EIF1B: variants seen among roughly 807,000 people sequenced by gnomAD.
EIF1B encodes protein translation factor SUI1 homolog GC20.
EIF1B carries 5 observed loss-of-function variants against 14.8 expected under a neutral mutation model. The ratio of observed to expected loss-of-function variants is 0.34; its 90% confidence interval spans 0.18 to 0.71. The LOEUF is 0.71. EIF1B is among the 30% of genes least tolerant of loss of function. EIF1B has a pLI of 0.64. For missense variants in EIF1B, 56 were observed against 134.0 expected, an observed-to-expected ratio of 0.42 and a Z score of 2.87; for synonymous variants, 45 against 45.8, an observed-to-expected ratio of 0.98 and a Z score of 0.07.
At chr3:40,311,724 C>T in intron 3 of EIF1B, 153 bp downstream of exon 3, 2 of 695,684 alleles carry the variant, frequency 2.9e-6, no homozygotes, top group South Asian at 3.8e-5. Flanking sequence ...AAGCAAAGAC[C>T]TTTATCTGGT....
chr3:40,312,331 T>A lies in EIF1B; in HGVS notation c.*317T>A. The A allele has an allele frequency of 4.9e-6, 1 of 205,638 alleles. No individual in the cohort carries two copies. Among genetic ancestry groups the A allele is most frequent in the Non-Finnish European group, 9.2e-6 (1 of 109,154 alleles). 12.7% of individuals were successfully genotyped at this position (205,638 alleles called of 1,614,324 possible). On this transcript the variant is annotated 3_prime_UTR_variant, in exon 4 of 4. Transcript: ENST00000232905. ...TTGTTGTTGTATTAAACCATGTACG[T>A]TGCAGCTTAACAATAAAAAAAAATC...
rs1575707608 is a variant in EIF1B, at chr3:40,311,031, A to G, written c.170A>G (p.Lys57Arg). Residue 57 changes from lysine (K) to arginine (R), a missense_variant, in exon 2 of 4, where the codon AAG becomes AGG. By Grantham distance (26) the Lys-to-Arg change is conservative. Transcript: ENST00000232905. ...VQGIADDYDK[K>R]KLVKAFKKKF... ...GGCATTGCAGATGATTATGACAAAA[A>G]GAAACTTGTGAAAGCTTTCAAAAAG... 3 of 1,613,892 alleles carry G rather than the reference A, an allele frequency of 1.9e-6. No individual in the cohort carries two copies. Among genetic ancestry groups the G allele is most frequent in the African/African-American group, 2.7e-5 (2 of 75,038 alleles).
Position 40,311,541 on chromosome 3 carries a change from A to G in EIF1B, c.267A>G (p.Gln89=). 5.6e-6 allele frequency: 9 copies of G among 1,613,876 alleles called. No individual in the cohort carries two copies. Among genetic ancestry groups the G allele is most frequent in the Non-Finnish European group, 6.8e-6 (8 of 1,179,882 alleles). The change falls in exon 3 of 4, where the codon CAA becomes CAG. Residue 89 remains glutamine, a synonymous_variant. Transcript: ENST00000232905. ...AGGTTATTCAGCTTCAAGGTGACCA[A>G]AGAAAAAACATCTGCCAGTTTCTCT... ...YGEVIQLQGD[Q]RKNICQFLLE...
At position 40,312,378 on chromosome 3, in the gene EIF1B, A is replaced by G. The variant is rs1954335937; in HGVS notation, c.*364A>G. On this transcript the variant is annotated 3_prime_UTR_variant, in exon 4 of 4. Transcript: ENST00000232905. ...AATCTATGAATCTTTGTGAGCAATT[A>G]TGCTCCCAAATCTAAGCAAGTAAAA... 1 of 193,726 alleles carries G rather than the reference A, an allele frequency of 5.2e-6. No homozygotes were observed. 12.0% of individuals were successfully genotyped at this position (193,726 alleles called of 1,614,324 possible). A position where few individuals can be genotyped will look rare whatever the true frequency, so the allele number is the denominator to read the frequency against.
intron 1 of EIF1B, chr3:40,310,587 A>C (rs1351726824): frequency 1.3e-5 from 3 of 234,754 alleles, no homozygotes; most frequent in Non-Finnish European, 2.4e-5. Flanking sequence ...TATAGCGGCT[A>C]CAATATTAAG....
chr3:40,311,421 C>T, intron 2 of EIF1B, 49 bp from the exon 3 acceptor site: 4 of 1,345,320 alleles, frequency 3.0e-6, no homozygotes, highest in Non-Finnish European at 4.3e-6. Context: ...TGAAATAAAA[C>T]CTCATAGTAG....
Position 40,312,285 on chromosome 3 carries a change from G to T in EIF1B, c.*271G>T. ...GAGTGTTTATTGTTCAGTTTATTACGTTTCACTTGATTAAATTTTTTTGTT... is the reference window on the plus strand; with the variant it reads ...GAGTGTTTATTGTTCAGTTTATTACTTTTCACTTGATTAAATTTTTTTGTT... On this transcript the variant is annotated 3_prime_UTR_variant, in exon 4 of 4. Transcript: ENST00000232905. The T allele has an allele frequency of 3.7e-6, 1 of 269,278 alleles. No individual in the cohort carries two copies. The highest frequency in any genetic ancestry group is 6.2e-6 in the Non-Finnish European group (1 of 162,284). The allele number at this position is 269,278 out of a possible 1,614,324, so 16.7% of individuals were successfully genotyped here. A position where few individuals can be genotyped will look rare whatever the true frequency, so the allele number is the denominator to read the frequency against.
At position 40,312,224 on chromosome 3, in the gene EIF1B, A is replaced by G. The variant is rs1954333808; in HGVS notation, c.*210A>G. ...TGCAGTAAGATGGTAACAAAACCTCATATTGTCTTTACATGTTTCCAATGG... is the reference window on the plus strand; with the variant it reads ...TGCAGTAAGATGGTAACAAAACCTCGTATTGTCTTTACATGTTTCCAATGG... On this transcript the variant is annotated 3_prime_UTR_variant, in exon 4 of 4. Transcript: ENST00000232905. 1.9e-6 allele frequency: 1 copy of G among 525,922 alleles called. No individual in the cohort carries two copies. Among genetic ancestry groups the G allele is most frequent in the Non-Finnish European group, 3.3e-6 (1 of 298,976 alleles). The allele number at this position is 525,922 out of a possible 1,614,324, so 32.6% of individuals were successfully genotyped here.
At chr3:40,311,870 A>C in intron 3 of EIF1B, 100 bp from the exon 4 acceptor site, 1 of 916,572 alleles carries the variant, frequency 1.1e-6, no homozygotes, top group Non-Finnish European at 1.8e-6. Flanking sequence ...TGTTGCAGTA[A>C]GCTGTTGATA....
intron 1 of EIF1B, 158 bp from the exon 2 acceptor site, chr3:40,310,735 C>T (rs1954315431): frequency 7.7e-6 from 5 of 648,528 alleles, no homozygotes; most frequent in African/African-American, 1.8e-5. Flanking sequence ...TTTATTAATA[C>T]TCCACCCCCA....
rs532160353 is a variant in EIF1B, at chr3:40,309,732, C to T, written c.-210C>T. On this transcript the variant is annotated 5_prime_UTR_variant, in exon 1 of 4. Coordinates refer to ENST00000232905, the MANE Select transcript of EIF1B (RefSeq NM_005875.3). ...GAGAAGCCGCAGCGCCGCCTCTTCT[C>T]TCGCGCCCTCGCCTCTTCCTCCGCC... 5.5e-4 allele frequency: 323 copies of T among 586,950 alleles called. No homozygotes were observed. Among genetic ancestry groups the T allele is most frequent in the Middle Eastern group, 2.9e-3 (7 of 2,444 alleles). The allele number at this position is 586,950 out of a possible 1,614,324, so 36.4% of individuals were successfully genotyped here.
In EIF1B at chr3:40,309,986, G is replaced by A. The variant is rs1559492387; in HGVS notation, c.31+14G>A. ...TCCAATCTTTCGGTAAGATCCCGTC[G>A]CCGCCGCCTCCCTCCCTTGCCCGGC... On this transcript the variant is annotated intron_variant, in intron 1 of 3. Transcript: ENST00000232905. 1 of 1,613,492 alleles carries A rather than the reference G, an allele frequency of 6.2e-7. No homozygotes were observed. Among genetic ancestry groups the A allele is most frequent in the South Asian group, 1.1e-5 (1 of 91,074 alleles).
At chr3:40,311,624 T>A in intron 3 of EIF1B, 53 bp downstream of exon 3, 1 of 1,385,316 alleles carries the variant, frequency 7.2e-7, no homozygotes, top group Non-Finnish European at 1.0e-6. Flanking sequence ...TAAAATTGTA[T>A]TTAAAGGCAA....
In EIF1B at chr3:40,312,305, T is replaced by TG. The variant is rs1954334835; in HGVS notation, c.*291_*292insG. On this transcript the variant is annotated 3_prime_UTR_variant, in exon 4 of 4. Transcript: ENST00000232905. ...ATTACGTTTCACTTGATTAAATTTTTTTGTTGTTGTATTAAACCATGTACG... is the reference window on the plus strand; with the variant it reads ...ATTACGTTTCACTTGATTAAATTTTTGTTGTTGTTGTATTAAACCATGTACG... 2 of 292,188 alleles carry TG rather than the reference T, an allele frequency of 6.8e-6. No individual in the cohort carries two copies. Among genetic ancestry groups the TG allele is most frequent in the Admixed American group, 5.1e-5 (1 of 19,524 alleles). 18.1% of individuals were successfully genotyped at this position (292,188 alleles called of 1,614,324 possible). A position where few individuals can be genotyped will look rare whatever the true frequency, so the allele number is the denominator to read the frequency against.
Position 40,309,962 on chromosome 3 carries a change from C to T in EIF1B, c.21C>T (p.Leu7=), listed in dbSNP as rs770565960. 1 of 1,614,032 alleles carries T rather than the reference C, an allele frequency of 6.2e-7. No homozygotes were observed. Residue 7 remains leucine, a synonymous_variant, in exon 1 of 4, where the codon CTC becomes CTT. Coordinates refer to ENST00000232905, the MANE Select transcript of EIF1B (RefSeq NM_005875.3). ...ATCGCATGTCCACTATCCAGAACCT[C>T]CAATCTTTCGGTAAGATCCCGTCGC... MSTIQN[L]QSFDPFADAT...
rs1954334905 is a variant in EIF1B at position 40,312,307 on chromosome 3, T to TC, written c.*293_*294insC. The stretch of plus-strand genomic sequence containing the variant: ...TACGTTTCACTTGATTAAATTTTTT[T>TC]GTTGTTGTATTAAACCATGTACGTT... On this transcript the variant is annotated 3_prime_UTR_variant, in exon 4 of 4. Coordinates refer to ENST00000232905, the MANE Select transcript of EIF1B (RefSeq NM_005875.3). 2 of 286,816 alleles carry TC rather than the reference T, an allele frequency of 7.0e-6. No homozygotes were observed. Among genetic ancestry groups the TC allele is most frequent in the African/African-American group, 4.6e-5 (2 of 43,892 alleles). 17.8% of individuals were successfully genotyped at this position (286,816 alleles called of 1,614,324 possible). A position where few individuals can be genotyped will look rare whatever the true frequency, so the allele number is the denominator to read the frequency against.
rs1255168099 is a variant in EIF1B, at chr3:40,311,017, T to C, written c.156T>C (p.Asp52=). Residue 52 remains aspartate, a synonymous_variant, in exon 2 of 4, where the codon GAT becomes GAC. Coordinates refer to ENST00000232905, the MANE Select transcript of EIF1B (RefSeq NM_005875.3). Reference sequence around the variant, plus strand: ...TGACTACTGTTCAGGGCATTGCAGATGATTATGACAAAAAGAAACTTGTGA... The same window carrying C: ...TGACTACTGTTCAGGGCATTGCAGACGATTATGACAAAAAGAAACTTGTGA... ...KTLTTVQGIA[D]DYDKKKLVKA... is the part of the protein sequence containing the mutation. 6.2e-7 allele frequency: 1 copy of C among 1,613,830 alleles called. No individual in the cohort carries two copies. The highest frequency in any genetic ancestry group is 1.7e-5 in the Admixed American group (1 of 59,962).
At chr3:40,311,241 C>T (rs1954322321) in intron 2 of EIF1B, 185 bp downstream of exon 2, 5 of 624,460 alleles carry the variant, frequency 8.0e-6, no homozygotes, top group Admixed American at 7.2e-5. Flanking sequence ...AAAGAAGATT[C>T]GCGTTGCTTT....
chr3:40,310,927 A>G lies in EIF1B; in HGVS notation c.66A>G (p.Leu22=), dbSNP rs778562519. The G allele has an allele frequency of 1.9e-6, 3 of 1,611,116 alleles. No homozygotes were observed. The highest frequency in any genetic ancestry group is 2.5e-6 in the Non-Finnish European group (3 of 1,178,974). The part of the protein sequence containing the change: ...PFADATKGDD[L]LPAGTEDYIH... ...CTGATGCAACTAAGGGTGACGACTT[A>G]CTCCCGGCAGGGACTGAGGATTACA... The change falls in exon 2 of 4, where the codon TTA becomes TTG. Residue 22 remains leucine, a synonymous_variant. Transcript: ENST00000232905.
Sources: allele counts gnomAD v4.1 joint callset, GRCh38; gene constraint gnomAD v4.1.1; transcripts MANE v1.5; gene names NCBI Gene and HGNC (gene_info 2026-07-23, HGNC 2026-07-21).